The following HEATR5A variants were observed in gnomAD, a reference collection of about 807,000 sequenced individuals.
HEATR5A encodes the protein HEAT repeat-containing protein 5A.
A neutral mutation model predicts 218.8 loss-of-function variants in HEATR5A; 178 were observed. That is an observed-to-expected ratio of 0.81 (90% CI 0.72 to 0.92). The LOEUF is 0.92. Ranked by LOEUF, HEATR5A falls within the 40% of genes least tolerant of loss-of-function variation. The pLI is 0.00. For missense variants in HEATR5A, 2,420 were observed against 2,418.9 expected, an observed-to-expected ratio of 1.00 and a Z score of -0.01; for synonymous variants, 864 against 871.6, an observed-to-expected ratio of 0.99 and a Z score of 0.15.
chr14:31,331,269 T>C (rs966361056), intron 22 of HEATR5A, among the ~76,000 whole-genome samples: 6 of 152,086 alleles, frequency 3.9e-5, no homozygotes, highest in African/African-American at 1.4e-4. Flanking sequence ...TAAATTCCAA[T>C]TTCAGATAAT....
chr14:31,403,601 G>T (rs1433258959), intron 1 of HEATR5A, among the ~76,000 whole-genome samples: 1 of 152,176 alleles, frequency 6.6e-6, no homozygotes, highest in East Asian at 1.9e-4. Context: ...GGGAGTTTAG[G>T]AGAGTCCAGT....
chr14:31,387,638 C>T (rs1015852620), intron 7 of HEATR5A, among the ~76,000 whole-genome samples: 1 of 151,682 alleles, frequency 6.6e-6, no homozygotes, highest in Non-Finnish European at 1.5e-5. Flanking sequence ...CAGCTCACTG[C>T]AAGCTCCGCC....
chr14:31,311,682 T>A (rs76719366), intron 28 of HEATR5A, among the ~76,000 whole-genome samples: 4,720 of 146,766 alleles, frequency 0.032, 237 homozygotes, highest in African/African-American at 0.12. Context: ...TATATATATA[T>A]ATAAAAAAGA....
At position 31,313,181 on chromosome 14, in the gene HEATR5A, T is replaced by G; in HGVS notation, c.4228A>C (p.Ile1410Leu). 1 of 1,611,222 alleles carries G rather than the reference T, an allele frequency of 6.2e-7. No individual in the cohort carries two copies. Among genetic ancestry groups the G allele is most frequent in the Non-Finnish European group, 8.5e-7 (1 of 1,177,390 alleles). ...VLKAWAEVYI[I>L]AVQRHKNHRQ... is the part of the protein sequence containing the mutation. Reference sequence around the variant, plus strand: ...TGGTTTTTATGTCTTTGCACAGCAATTATGTAGACCTGTTAAAGGTTAATT... The same window carrying G: ...TGGTTTTTATGTCTTTGCACAGCAAGTATGTAGACCTGTTAAAGGTTAATT... The change falls in exon 28 of 36, where the codon ATT becomes CTT. Residue 1410 changes from isoleucine to leucine, a missense_variant. Ile to Leu is a conservative substitution (Grantham distance 5, BLOSUM62 2). Transcript: ENST00000543095.
intron 20 of HEATR5A, among the ~76,000 whole-genome samples, chr14:31,344,875 T>C (rs1480066038): frequency 6.6e-6 from 1 of 152,226 alleles, no homozygotes; most frequent in Admixed American, 6.5e-5. Flanking sequence ...TCATTTTAAC[T>C]GTTAAGGAAG....
At chr14:31,324,829 G>A (rs1595097853) in intron 23 of HEATR5A, among the ~76,000 whole-genome samples, 1 of 151,718 alleles carries the variant, frequency 6.6e-6, no homozygotes, top group South Asian at 2.1e-4. Context: ...GAGAAAATTA[G>A]AAAAATAAAA....
At chr14:31,306,299 G>GCCA (rs1359408895) in intron 31 of HEATR5A, among the ~76,000 whole-genome samples, 2 of 152,084 alleles carry the variant, frequency 1.3e-5, no homozygotes, top group Admixed American at 6.6e-5. Flanking sequence ...GGGCAACATG[G>GCCA]CCACATCCCG....
At chr14:31,322,693 C>G (rs1241862441) in intron 24 of HEATR5A, among the ~76,000 whole-genome samples, 1 of 151,758 alleles carries the variant, frequency 6.6e-6, no homozygotes, top group South Asian at 2.1e-4. Context: ...GTGGTATATG[C>G]CTGTTGTCCC....
intron 12 of HEATR5A, among the ~76,000 whole-genome samples, chr14:31,372,196 C>CAAA (rs201678515): frequency 6.6e-5 from 5 of 75,530 alleles, no homozygotes; most frequent in South Asian, 9.6e-4. Context: ...AGCTTAGAAG[C>CAAA]AAAAAAAAAA....
At chr14:31,419,964 G>T (rs937886727) in intron 1 of HEATR5A, among the ~76,000 whole-genome samples, 1 of 152,232 alleles carries the variant, frequency 6.6e-6, no homozygotes, top group African/African-American at 2.4e-5. Flanking sequence ...TGCAGAAAAC[G>T]AACGGGCCTC....
intron 10 of HEATR5A, among the ~76,000 whole-genome samples, chr14:31,382,113 G>A (rs938411551): frequency 3.3e-5 from 5 of 152,056 alleles, no homozygotes; most frequent in Admixed American, 6.6e-5. Flanking sequence ...TAATTCTCTC[G>A]GAAAGAAATT....
intron 34 of HEATR5A, chr14:31,295,413 ATTTTTGTAT>A (rs1255458648): frequency 6.6e-6 from 1 of 152,242 alleles, no homozygotes; most frequent in Non-Finnish European, 1.5e-5. Flanking sequence ...CACCAGGTTA[ATTTTTGTAT>A]TTTTTGTAGG....
intron 1 of HEATR5A, among the ~76,000 whole-genome samples, chr14:31,418,729 T>C (rs2031538838): frequency 6.6e-6 from 1 of 152,220 alleles, no homozygotes; most frequent in Non-Finnish European, 1.5e-5. Context: ...GGATAATTAA[T>C]GAACCACACA....
rs1285031914 is a variant in HEATR5A at position 31,343,970 on chromosome 14, T to G, written c.3154A>C (p.Ile1052Leu). The G allele has an allele frequency of 6.2e-7, 1 of 1,612,024 alleles. No individual in the cohort carries two copies. Residue 1052 changes from isoleucine to leucine, a missense_variant, in exon 21 of 36, where the codon ATC (isoleucine) becomes CTC (leucine). Ile to Leu is a conservative substitution (Grantham distance 5). Coordinates refer to ENST00000543095, the MANE Select transcript of HEATR5A (RefSeq NM_015473.4). Reference protein sequence around the residue: ...NPDCLVQAQAISCLQQLHMFA... With the variant: ...NPDCLVQAQALSCLQQLHMFA... The stretch of plus-strand genomic sequence containing the variant: ...ATATGAAGCTGCTGAAGGCAAGAGA[T>G]GGCCTGAGCTTGAACAAGGCAGTCT...
chr14:31,395,104 C>T (rs1010433209), intron 5 of HEATR5A, 95 bp downstream of exon 5: 13 of 778,718 alleles, frequency 1.7e-5, no homozygotes, highest in African/African-American at 8.6e-5. Flanking sequence ...TAGCTGACTA[C>T]CAAGATCATG....
At chr14:31,386,797 C>G (rs940756025) in intron 8 of HEATR5A, among the ~76,000 whole-genome samples, 1 of 152,124 alleles carries the variant, frequency 6.6e-6, no homozygotes, top group African/African-American at 2.4e-5. Context: ...ATCAGAGACC[C>G]CTTATTACTC....
In HEATR5A at chr14:31,365,035, C is replaced by T. The variant is rs139326240; in HGVS notation, c.1962-737G>A. Among the ~76,000 whole-genome samples the T allele has an allele frequency of 1.5e-4, 23 of 151,528 alleles. No homozygotes were observed. The East Asian group carries it at 3.2e-3, about 21-fold the overall frequency. ...GACTACAGGTGCGCACCACCATGCCCGGCTAATTTTTGTATTATTGGTAGA... is the reference window on the plus strand; with the variant it reads ...GACTACAGGTGCGCACCACCATGCCTGGCTAATTTTTGTATTATTGGTAGA... On this transcript the variant is annotated intron_variant, in intron 13 of 35. Coordinates refer to ENST00000543095, the MANE Select transcript of HEATR5A (RefSeq NM_015473.4).
At position 31,347,811 on chromosome 14, in the gene HEATR5A, G is replaced by T. The variant is rs777764865; in HGVS notation, c.2805C>A (p.His935Gln). Residue 935 changes from histidine (H) to glutamine (Q), a missense_variant, in exon 19 of 36, where the codon CAC (histidine) becomes CAA (glutamine). By Grantham distance (24) the His-to-Gln change is conservative. Coordinates refer to ENST00000543095, the MANE Select transcript of HEATR5A (RefSeq NM_015473.4). Reference protein sequence around the residue: ...RYLGGISSSQHLNSCIGILYT... With the variant: ...RYLGGISSSQQLNSCIGILYT... Reference sequence around the variant, plus strand: ...AAAGGATTCCAATACAAGAATTTAGGTGTTGAGAAGAACTTATTCCTCCTA... The same window carrying T: ...AAAGGATTCCAATACAAGAATTTAGTTGTTGAGAAGAACTTATTCCTCCTA... The T allele has an allele frequency of 9.9e-6, 16 of 1,610,146 alleles. No individual in the cohort carries two copies. In the African/African-American group the frequency reaches 2.1e-4, roughly 22 times the overall value.
At chr14:31,373,559 G>A (rs1236363981) in intron 12 of HEATR5A, among the ~76,000 whole-genome samples, 1 of 152,078 alleles carries the variant, frequency 6.6e-6, no homozygotes, top group Non-Finnish European at 1.5e-5. Flanking sequence ...TCAAACTCCT[G>A]ACCTCAGGTG....
Sources: gnomAD v4.1 joint callset for allele counts (sites outside exome capture counted in the v4.1 genomes callset) on GRCh38, gnomAD v4.1.1 for gene constraint, MANE v1.5 for transcripts, NCBI Gene and HGNC (gene_info 2026-07-23, HGNC 2026-07-21) for gene names.